ETV1: variants seen among roughly 807,000 people sequenced by gnomAD.
ETV1 encodes ETS translocation variant 1.
ETV1 carries 27 observed loss-of-function variants against 62.3 expected under a neutral mutation model. The observed-to-expected ratio is 0.43, with a 90% CI of 0.32 to 0.60. The LOEUF is 0.60. Ranked by LOEUF, ETV1 falls within the 20% of genes least tolerant of loss-of-function variation. The pLI is 0.06. For synonymous variants in ETV1, 222 were observed against 199.6 expected (o/e 1.11, Z -0.94); for missense variants, 605 against 605.8 (o/e 1.00, Z 0.01).
chr7:13,963,226 T>C (rs1439693609), intron 6 of ETV1, among the ~76,000 whole-genome samples: 2 of 152,114 alleles, frequency 1.3e-5, no homozygotes, highest in African/African-American at 4.8e-5. Flanking sequence ...TGTATTCATC[T>C]TTCAGTTCAC....
intron 6 of ETV1, among the ~76,000 whole-genome samples, chr7:13,948,893 C>A (rs918073845): frequency 1.3e-5 from 2 of 152,044 alleles, no homozygotes; most frequent in Non-Finnish European, 2.9e-5. Flanking sequence ...CTCTGTCTCT[C>A]AAAACCAAAA....
intron 5 of ETV1, chr7:13,986,263 A>C (rs1782539947): frequency 6.6e-7 from 1 of 1,520,942 alleles, no homozygotes; most frequent in African/African-American, 1.4e-5. Context: ...CGCTGCTCTA[A>C]AGGAAACAGC....
chr7:13,904,045 G>A (rs1233509516), intron 12 of ETV1, among the ~76,000 whole-genome samples: 4 of 152,078 alleles, frequency 2.6e-5, no homozygotes, highest in African/African-American at 4.8e-5. Context: ...TGCTGACACA[G>A]GCACCCAATG....
chr7:13,935,643 G>T (rs1786716742), intron 8 of ETV1, 65 bp downstream of exon 8: 1 of 1,402,346 alleles, frequency 7.1e-7, no homozygotes. Context: ...CTTCAGAATT[G>T]TTAATAGAAA....
At chr7:13,955,462 A>G (rs1437565677) in intron 6 of ETV1, among the ~76,000 whole-genome samples, 2 of 152,180 alleles carry the variant, frequency 1.3e-5, no homozygotes, top group African/African-American at 4.8e-5. Context: ...TTACAGCACA[A>G]GAGCTACATC....
chr7:13,920,260 A>C (rs776456259), intron 9 of ETV1, among the ~76,000 whole-genome samples: 3 of 152,162 alleles, frequency 2.0e-5, no homozygotes, highest in Non-Finnish European at 4.4e-5. Context: ...TGATTTGAGA[A>C]TGTTGTCTTC....
intron 8 of ETV1, among the ~76,000 whole-genome samples, chr7:13,933,004 C>T (rs1371048093): frequency 6.6e-6 from 1 of 152,128 alleles, no homozygotes; most frequent in Non-Finnish European, 1.5e-5. Context: ...AACTTAGAAA[C>T]TCGGATATTG....
chr7:13,905,829 C>A (rs1020198292), intron 12 of ETV1, among the ~76,000 whole-genome samples: 1 of 152,116 alleles, frequency 6.6e-6, no homozygotes, highest in Non-Finnish European at 1.5e-5. Context: ...ACAAGTGTCA[C>A]GGACAAAGGA....
chr7:13,990,494 A>C (rs41505), upstream of ETV1: 2 of 152,090 alleles, frequency 1.3e-5, no homozygotes, highest in Admixed American at 6.6e-5. Context: ...TATATCCTAG[A>C]ACCCGCACGT....
In ETV1 at chr7:13,911,315, AGGAAACAATATT is replaced by A; in HGVS notation, c.803-20_803-9del. The A allele has an allele frequency of 1.2e-6, 2 of 1,605,840 alleles. No homozygotes were observed. Among genetic ancestry groups the A allele is most frequent in the South Asian group, 2.2e-5 (2 of 90,412 alleles). On this transcript the variant is annotated splice_polypyrimidine_tract_variant and intron_variant, in intron 9 of 13. Transcript: ENST00000430479. ...AGTGGCAGCTAGGCACTTCTGAAAGAGGAAACAATATTGGTCAAAAAGAGTCTGGAGCTGAAA... is the reference window on the plus strand; with the variant it reads ...AGTGGCAGCTAGGCACTTCTGAAAGAGGTCAAAAAGAGTCTGGAGCTGAAA...
At chr7:13,913,120 G>C (rs1783721391) in intron 9 of ETV1, among the ~76,000 whole-genome samples, 1 of 152,140 alleles carries the variant, frequency 6.6e-6, no homozygotes, top group Admixed American at 6.5e-5. Flanking sequence ...TAGCTAAGCG[G>C]CGACTTCAAA....
At chr7:13,984,016 GAAA>G (rs529568183) in intron 5 of ETV1, among the ~76,000 whole-genome samples, 1 of 148,604 alleles carries the variant, frequency 6.7e-6, no homozygotes. Flanking sequence ...TAGTCTTACA[GAAA>G]AAAAAAAACT....
At chr7:13,979,095 A>T (rs1196899473) in intron 5 of ETV1, among the ~76,000 whole-genome samples, 1 of 152,128 alleles carries the variant, frequency 6.6e-6, no homozygotes, top group Non-Finnish European at 1.5e-5. Flanking sequence ...CTTCAAAGTT[A>T]GCAAACTGCA....
At chr7:13,914,302 T>C (rs538797978) in intron 9 of ETV1, among the ~76,000 whole-genome samples, 3 of 152,272 alleles carry the variant, frequency 2.0e-5, no homozygotes, top group African/African-American at 7.2e-5. Context: ...AAATTTAATT[T>C]AGGACAAAGA....
At chr7:13,989,784 C>G (rs1328603743), upstream of ETV1, 2 of 394,816 alleles carry the variant, frequency 5.1e-6, no homozygotes, top group East Asian at 3.6e-5. Context: ...AGATTTCGGG[C>G]TGTCAATCAG....
chr7:13,961,139 T>C (rs1210338335), intron 6 of ETV1, among the ~76,000 whole-genome samples: 1 of 146,770 alleles, frequency 6.8e-6, no homozygotes, highest in Non-Finnish European at 1.5e-5. Flanking sequence ...GAGCAAGACC[T>C]CATCTCAAAA....
intron 6 of ETV1, among the ~76,000 whole-genome samples, chr7:13,959,899 A>T (rs1191097617): frequency 1.4e-5 from 2 of 138,368 alleles, no homozygotes; most frequent in African/African-American, 3.1e-5. Context: ...AAAAAAAAAA[A>T]AAAAAAAAAA....
In ETV1 at chr7:13,893,172, G is replaced by A; in HGVS notation, c.*2694C>T. ...TGTCATCATCAAGAGACAGCAAACAGCAGTGAAGATAAAAGCTGAGAGAAG... is the reference window on the plus strand; with the variant it reads ...TGTCATCATCAAGAGACAGCAAACAACAGTGAAGATAAAAGCTGAGAGAAG... On this transcript the variant is annotated 3_prime_UTR_variant, in exon 14 of 14. Transcript: ENST00000430479. The A allele has an allele frequency of 4.3e-6, 1 of 232,518 alleles. No homozygotes were observed. Among genetic ancestry groups the A allele is most frequent in the Admixed American group, 5.6e-5 (1 of 17,776 alleles). 14.4% of individuals were successfully genotyped at this position (232,518 alleles called of 1,614,324 possible). A position where few individuals can be genotyped will look rare whatever the true frequency, so the allele number is the denominator to read the frequency against.
At chr7:13,972,357 AG>A (rs1198268594) in intron 6 of ETV1, among the ~76,000 whole-genome samples, 1 of 151,426 alleles carries the variant, frequency 6.6e-6, no homozygotes, top group Non-Finnish European at 1.5e-5. Context: ...TGCTGAACTA[AG>A]GAGGCAGAGT....
Sources: gnomAD v4.1 joint callset for allele counts (sites outside exome capture counted in the v4.1 genomes callset) on GRCh38, gnomAD v4.1.1 for gene constraint, MANE v1.5 for transcripts, NCBI Gene and HGNC (gene_info 2026-07-23, HGNC 2026-07-21) for gene names.